Variants in HSD3B2 observed in about 807,000 individuals in gnomAD.
HSD3B2 encodes the protein hydroxy-delta-5-steroid dehydrogenase, 3 beta- and steroid delta-isomerase 2.
In HSD3B2, 8 loss-of-function variants were observed where a neutral mutation model predicts 9.9. The observed-to-expected ratio is 0.81, with a 90% confidence interval of 0.47 to 1.46. The LOEUF (loss-of-function observed/expected upper bound fraction) is 1.46. Ranked by LOEUF, HSD3B2 falls within the 40% of genes most tolerant of loss-of-function variation. The pLI is 0.00. For synonymous variants in HSD3B2, 221 were observed against 184.5 expected (o/e 1.20, Z -1.60); for missense variants, 410 against 448.3 (o/e 0.91, Z 0.77).
chr1:119,419,575 T>C lies in HSD3B2; in HGVS notation c.300T>C (p.Asn100=), dbSNP rs1651804493. ...VTHRESIMNV[N]VKGTQLLLEA... ...ACAGAGAGTCCATCATGAATGTCAA[T>C]GTGAAAGGTACAGTAGCCTGGGGAG... Residue 100 remains asparagine, a synonymous_variant, in exon 3 of 4, where the codon AAT becomes AAC. Transcript: ENST00000369416. The C allele has an allele frequency of 6.2e-7, 1 of 1,613,766 alleles. No individual in the cohort carries two copies. The highest frequency in any genetic ancestry group is 1.1e-5 in the South Asian group (1 of 91,056).
rs1292990969 is a variant in HSD3B2, at chr1:119,422,354, CT to C, written c.855del (p.Pro286LeufsTer2). On this transcript the variant is annotated frameshift_variant, in exon 4 of 4. Coordinates refer to ENST00000369416, the MANE Select transcript of HSD3B2 (RefSeq NM_000198.4). LOFTEE classifies it low-confidence loss of function (END_TRUNC). Reference sequence around the variant, plus strand: ...CCTCCGCCTTGATTCCAGATGGAGCCTTCCTTTAACCCTGATGTACTGGATT... The same window carrying C: ...CCTCCGCCTTGATTCCAGATGGAGCCTCCTTTAACCCTGATGTACTGGATT... ...FGLRLDSRWSLPLTLMYWIGF... is the reference protein window; with the variant it reads ...FGLRLDSRWSXPLTLMYWIGF... 6.2e-7 allele frequency: 1 copy of C among 1,614,148 alleles called. No homozygotes were observed. Among genetic ancestry groups the C allele is most frequent in the Non-Finnish European group, 8.5e-7 (1 of 1,179,996 alleles).
chr1:119,415,397 C>T lies in HSD3B2; in HGVS notation c.-23C>T, dbSNP rs771602997. On this transcript the variant is annotated 5_prime_UTR_variant, in exon 2 of 4. Coordinates refer to ENST00000369416, the MANE Select transcript of HSD3B2 (RefSeq NM_000198.4). ...ATCTTCTGTTTCCTGGCAAGTGTTTCCTGCTACTTTGGATTGGCCACGATG... is the reference window on the plus strand; with the variant it reads ...ATCTTCTGTTTCCTGGCAAGTGTTTTCTGCTACTTTGGATTGGCCACGATG... 8.7e-6 allele frequency: 14 copies of T among 1,613,350 alleles called. No homozygotes were observed. Among genetic ancestry groups the T allele is most frequent in the Admixed American group, 1.7e-5 (1 of 59,976 alleles).
intron 2 of HSD3B2, among the ~76,000 whole-genome samples, chr1:119,416,028 A>G (rs1651697376): frequency 6.6e-6 from 1 of 152,114 alleles, no homozygotes; most frequent in Admixed American, 6.6e-5. Context: ...AAAGGAAGTG[A>G]AGGTACGGAT....
In HSD3B2 at chr1:119,422,539, G is replaced by A. The variant is rs775901269; in HGVS notation, c.1038G>A (p.Glu346=). The A allele has an allele frequency of 1.2e-6, 2 of 1,614,138 alleles. No homozygotes were observed. Among genetic ancestry groups the A allele is most frequent in the South Asian group, 1.1e-5 (1 of 91,082 alleles). ...DLAYKPLYSW[E]EAKQKTVEWV... ...CGTATAAGCCACTCTACAGCTGGGA[G>A]GAAGCCAAGCAGAAAACCGTGGAGT... Residue 346 remains glutamate (E), a synonymous_variant, in exon 4 of 4, where the codon GAG becomes GAA. Transcript: ENST00000369416.
At chr1:119,421,405 A>ATATATATATG (rs1651854784) in intron 3 of HSD3B2, among the ~76,000 whole-genome samples, 10 of 59,468 alleles carry the variant, frequency 1.7e-4, no homozygotes, top group Non-Finnish European at 2.3e-4. Context: ...ATATATATGT[A>ATATATATATG]TATATATATA....
In HSD3B2 at chr1:119,422,247, G is replaced by A. The variant is rs751984843; in HGVS notation, c.746G>A (p.Arg249Gln). 2.5e-5 allele frequency: 40 copies of A among 1,613,966 alleles called. No homozygotes were observed. The East Asian group carries it at 5.1e-4, about 21-fold the overall frequency. Residue 249 changes from arginine to glutamine, a missense_variant, in exon 4 of 4, where the codon CGA (arginine) becomes CAA (glutamine). Coordinates refer to ENST00000369416, the MANE Select transcript of HSD3B2 (RefSeq NM_000198.4). Reference sequence around the variant, plus strand: ...GACCCCAAGAAGGCCCCAAGTGTCCGAGGTCAATTCTATTACATCTCAGAT... The same window carrying A: ...GACCCCAAGAAGGCCCCAAGTGTCCAAGGTCAATTCTATTACATCTCAGAT... ...LRDPKKAPSV[R>Q]GQFYYISDDT...
At chr1:119,416,929 G>A (rs1421539731) in intron 2 of HSD3B2, among the ~76,000 whole-genome samples, 1 of 152,188 alleles carries the variant, frequency 6.6e-6, no homozygotes, top group Non-Finnish European at 1.5e-5. Flanking sequence ...TGAAAATGCA[G>A]GGAGCATAAT....
chr1:119,415,336 T>A lies in HSD3B2; in HGVS notation c.-84T>A. 6.8e-7 allele frequency: 1 copy of A among 1,461,648 alleles called. No homozygotes were observed. Among genetic ancestry groups the A allele is most frequent in the Non-Finnish European group, 9.6e-7 (1 of 1,043,688 alleles). 90.5% of individuals were successfully genotyped at this position (1,461,648 alleles called of 1,614,324 possible). On this transcript the variant is annotated 5_prime_UTR_variant, in exon 2 of 4. Transcript: ENST00000369416. ...ATTTTACCTCTTGTTTTTAGCCCTC[T>A]TCTGGGTCACGCTAGAATCAGATCT...
intron 2 of HSD3B2, among the ~76,000 whole-genome samples, chr1:119,415,902 A>G (rs1035660692): frequency 2.0e-5 from 3 of 152,150 alleles, no homozygotes; most frequent in Non-Finnish European, 4.4e-5. Flanking sequence ...GCTGTGCGAC[A>G]TTCACAAAGG....
At position 119,422,614 on chromosome 1, in the gene HSD3B2, T is replaced by A. The variant is rs778961069; in HGVS notation, c.1113T>A (p.Thr371=). Residue 371 remains threonine, a synonymous_variant, in exon 4 of 4, where the codon ACT becomes ACA. Transcript: ENST00000369416. The stretch of plus-strand genomic sequence containing the variant: ...ACAAGGAGACCCTGAAGTCCAAGAC[T>A]CAGTGATTTAAGGATGACAGAGATG... ...DRHKETLKSK[T]Q 1.9e-6 allele frequency: 3 copies of A among 1,613,930 alleles called. No homozygotes were observed. The South Asian group carries it at 3.3e-5, about 18-fold the overall frequency.
intron 3 of HSD3B2, among the ~76,000 whole-genome samples, chr1:119,421,283 T>C (rs1439389018): frequency 6.6e-6 from 1 of 150,926 alleles, no homozygotes; most frequent in African/African-American, 2.4e-5. Context: ...CTGTCTTTAA[T>C]TGTATTGATG....
chr1:119,422,743 C>A lies in HSD3B2; in HGVS notation c.*123C>A. The A allele has an allele frequency of 8.9e-7, 1 of 1,125,112 alleles. No individual in the cohort carries two copies. The highest frequency in any genetic ancestry group is 1.3e-6 in the Non-Finnish European group (1 of 762,318). 69.7% of individuals were successfully genotyped at this position (1,125,112 alleles called of 1,614,324 possible). On this transcript the variant is annotated 3_prime_UTR_variant, in exon 4 of 4. Coordinates refer to ENST00000369416, the MANE Select transcript of HSD3B2 (RefSeq NM_000198.4). ...CAGGTCCTGCTGCCTCTCTTTCACA[C>A]AATGCCCAACTTACTGTCTTCTTCA...
intron 3 of HSD3B2, among the ~76,000 whole-genome samples, chr1:119,421,405 ATATATATATATGTATATATATG>A (rs1557869356): frequency 0.068 from 4,045 of 59,428 alleles, 312 homozygotes; most frequent in African/African-American, 0.23. Flanking sequence ...ATATATATGT[ATATATATATATGTATATATATG>A]TATATATATA....
chr1:119,420,365 A>G (rs986326849), intron 3 of HSD3B2, among the ~76,000 whole-genome samples: 1 of 152,044 alleles, frequency 6.6e-6, no homozygotes, highest in Non-Finnish European at 1.5e-5. Context: ...AGACTACCCA[A>G]ACTCCTTTTA....
chr1:119,422,275 C>G lies in HSD3B2; in HGVS notation c.774C>G (p.Asp258Glu). The G allele has an allele frequency of 6.2e-7, 1 of 1,614,134 alleles. No individual in the cohort carries two copies. The highest frequency in any genetic ancestry group is 8.5e-7 in the Non-Finnish European group (1 of 1,180,008). ...VRGQFYYISD[D>E]TPHQSYDNLN... ...GTCAATTCTATTACATCTCAGATGA[C>G]ACGCCTCACCAAAGCTATGATAACC... Residue 258 changes from aspartate (D) to glutamate (E), a missense_variant, in exon 4 of 4, where the codon GAC becomes GAG. By Grantham distance (45) the Asp-to-Glu change is conservative (BLOSUM62 2). Coordinates refer to ENST00000369416, the MANE Select transcript of HSD3B2 (RefSeq NM_000198.4).
chr1:119,415,667 A>G (rs1250103564), intron 2 of HSD3B2, 106 bp downstream of exon 2: 1 of 1,174,978 alleles, frequency 8.5e-7, no homozygotes, highest in African/African-American at 1.5e-5. Flanking sequence ...GCCAAATGAA[A>G]GCCAGTCACA....
At chr1:119,421,444 T>TA (rs1287439041) in intron 3 of HSD3B2, among the ~76,000 whole-genome samples, 12 of 9,738 alleles carry the variant, frequency 1.2e-3, no homozygotes, top group South Asian at 5.3e-3. Flanking sequence ...TATATATGTA[T>TA]ATATATATGT....
rs764370917 is a variant in HSD3B2 at position 119,422,061 on chromosome 1, C to T, written c.560C>T (p.Thr187Ile). ...DTLYTCALRP[T>I]YIYGEGGPFL... is the part of the protein sequence containing the mutation. Reference sequence around the variant, plus strand: ...TTGTACACTTGTGCGTTAAGACCCACATATATCTATGGGGAAGGAGGCCCA... The same window carrying T: ...TTGTACACTTGTGCGTTAAGACCCATATATATCTATGGGGAAGGAGGCCCA... The change falls in exon 4 of 4, where the codon ACA (threonine) becomes ATA (isoleucine). Residue 187 changes from threonine to isoleucine, a missense_variant. Thr to Ile is a moderately conservative substitution (Grantham distance 89). Transcript: ENST00000369416. The T allele has an allele frequency of 4.3e-6, 7 of 1,614,122 alleles. No homozygotes were observed. The South Asian group carries it at 7.7e-5, about 18-fold the overall frequency.
chr1:119,418,031 T>A (rs188422795), intron 2 of HSD3B2, among the ~76,000 whole-genome samples: 2 of 151,984 alleles, frequency 1.3e-5, no homozygotes, highest in African/African-American at 4.8e-5. Context: ...CACAAATGAG[T>A]GTAGAGTATT....
Sources: allele counts gnomAD v4.1 joint callset (sites outside exome capture counted in the v4.1 genomes callset), GRCh38; gene constraint gnomAD v4.1.1; transcripts MANE v1.5; gene names NCBI Gene and HGNC (gene_info 2026-07-23, HGNC 2026-07-21).